Variants in COL6A2 observed in about 807,000 individuals in gnomAD.
The protein encoded by COL6A2 is collagen alpha-2(VI) chain.
Under a neutral mutation model 124.9 loss-of-function variants are expected in COL6A2, and 90 were observed. That is an observed-to-expected ratio of 0.72 (90% CI 0.61 to 0.86). The LOEUF is 0.86. Ranked by LOEUF, COL6A2 falls within the 40% of genes least tolerant of loss-of-function variation. COL6A2 has a pLI of 0.00. For synonymous variants in COL6A2, 793 were observed against 618.2 expected, an observed-to-expected ratio of 1.28 and a Z score of -4.19; for missense variants, 1,607 against 1,502.5, an observed-to-expected ratio of 1.07 and a Z score of -1.15.
At chr21:46,120,463 C>T in intron 15 of COL6A2, 52 bp from the exon 16 acceptor site, 1 of 1,460,492 alleles carries the variant, frequency 6.8e-7, no homozygotes, top group Non-Finnish European at 9.3e-7. Flanking sequence ...ACATGGGACC[C>T]AGGCCGGAGG....
At chr21:46,109,646 GC>G in intron 1 of COL6A2, among the ~76,000 whole-genome samples, 1 of 152,330 alleles carries the variant, frequency 6.6e-6, no homozygotes, top group South Asian at 2.1e-4. Context: ...TTTGGAGGGG[GC>G]CAAGTCAGCA....
chr21:46,119,835 C>G lies in COL6A2; in HGVS notation c.1317C>G (p.Gly439=). Residue 439 remains glycine, a synonymous_variant, in exon 15 of 28, where the codon GGC becomes GGG. Coordinates refer to ENST00000300527, the MANE Select transcript of COL6A2 (RefSeq NM_001849.4). ...PGTKGSPGSD[G]PKGEKGDPGP... is the part of the protein sequence containing the mutation. ...CCAAGGGCAGCCCAGGCAGCGATGG[C>G]CCCAAGGGGGAGAAGGTGAGTCCTC... 6.4e-7 allele frequency: 1 copy of G among 1,560,962 alleles called. No homozygotes were observed. Among genetic ancestry groups the G allele is most frequent in the Non-Finnish European group, 8.7e-7 (1 of 1,151,990 alleles).
chr21:46,110,620 C>T (rs1408316686), intron 1 of COL6A2, among the ~76,000 whole-genome samples: 4 of 152,168 alleles, frequency 2.6e-5, no homozygotes, highest in Non-Finnish European at 5.9e-5. Context: ...CAGCGCCTCC[C>T]CTAGTCCCGG....
In COL6A2 at chr21:46,118,607, C is replaced by A. The variant is rs202094835; in HGVS notation, c.1117-7C>A. 5.8e-5 allele frequency: 94 copies of A among 1,612,454 alleles called. No homozygotes were observed. In the African/African-American group the frequency reaches 1.1e-3, roughly 19 times the overall value. ...AGACGTGAGGCTGATTCTGCAAACC[C>A]TTCCAGGGGGACCCTGGCCGCCCAG... is the stretch of plus-strand genomic sequence containing the variant. On this transcript the variant is annotated splice_polypyrimidine_tract_variant and splice_region_variant and intron_variant, in intron 12 of 27. Coordinates refer to ENST00000300527, the MANE Select transcript of COL6A2 (RefSeq NM_001849.4).
At chr21:46,111,322 C>G (rs577611514) in intron 1 of COL6A2, 128 bp from the exon 2 acceptor site, 2 of 622,322 alleles carry the variant, frequency 3.2e-6, no homozygotes, top group African/African-American at 1.8e-5. Flanking sequence ...GGGCGCAGAC[C>G]CCGCTTCCTT....
intron 27 of COL6A2, among the ~76,000 whole-genome samples, chr21:46,131,214 T>C (rs1291086288): frequency 6.6e-6 from 1 of 152,238 alleles, no homozygotes; most frequent in Non-Finnish European, 1.5e-5. Flanking sequence ...GTCCGTGTCC[T>C]GTCCTGTGGT....
rs36033678 is a variant in COL6A2 at position 46,124,537 on chromosome 21, GCC to G, written c.1672-104_1672-103del. 0.1 allele frequency: 86,596 copies of G among 834,434 alleles called. 6,406 individuals are homozygous for G. Among genetic ancestry groups the G allele is most frequent in the African/African-American group, 0.31 (18,144 of 57,808 alleles). 51.7% of individuals were successfully genotyped at this position (834,434 alleles called of 1,614,324 possible). A position where few individuals can be genotyped will look rare whatever the true frequency, so the allele number is the denominator to read the frequency against. On this transcript the variant is annotated intron_variant, in intron 21 of 27. Transcript: ENST00000300527. The stretch of plus-strand genomic sequence containing the variant: ...CTTGTCTTACTCCTTGCACCTGTTA[GCC>G]CCCCCCCCCGCCAAGGGAGGACCCG...
intron 21 of COL6A2, among the ~76,000 whole-genome samples, chr21:46,123,161 CCACAGCATCCCCCA>C (rs1274831603): frequency 4.4e-5 from 6 of 136,854 alleles, no homozygotes; most frequent in Non-Finnish European, 9.5e-5. Flanking sequence ...AACATCCCCC[CCACAGCATCCCCCA>C]CAAGGGTCCC....
At position 46,120,530 on chromosome 21, in the gene COL6A2, G is replaced by T; in HGVS notation, c.1348G>T (p.Glu450Ter). 6.7e-7 allele frequency: 1 copy of T among 1,491,768 alleles called. No individual in the cohort carries two copies. The allele number at this position is 1,491,768 out of a possible 1,614,324, so 92.4% of individuals were successfully genotyped here. The change falls in exon 16 of 28, where the codon GAG becomes TAG. Residue 450 changes from glutamate (E) to a stop codon, truncating the protein, a stop_gained. Transcript: ENST00000300527. LOFTEE classifies it high-confidence loss of function. ...PKGEKGDPGP[E>*]GPRGLAGEVG... Reference sequence around the variant, plus strand: ...CTTCCCACAGGGGGACCCTGGCCCTGAGGGGCCCCGCGGCCTGGCTGGAGA... The same window carrying T: ...CTTCCCACAGGGGGACCCTGGCCCTTAGGGGCCCCGCGGCCTGGCTGGAGA...
intron 18 of COL6A2, 42 bp downstream of exon 18, chr21:46,121,660 G>A (rs2078568620): frequency 6.2e-7 from 1 of 1,601,554 alleles, no homozygotes; most frequent in Non-Finnish European, 8.5e-7. Flanking sequence ...GGGGTTCGGG[G>A]CAGCTGCCTG....
chr21:46,119,984 A>T lies in COL6A2; in HGVS notation c.1332+134A>T, dbSNP rs535647837. 3.1e-5 allele frequency: 26 copies of T among 830,660 alleles called. No homozygotes were observed. The Middle Eastern group carries it at 6.6e-4, about 21-fold the overall frequency. 51.5% of individuals were successfully genotyped at this position (830,660 alleles called of 1,614,324 possible). A position where few individuals can be genotyped will look rare whatever the true frequency, so the allele number is the denominator to read the frequency against. On this transcript the variant is annotated intron_variant, in intron 15 of 27. Coordinates refer to ENST00000300527, the MANE Select transcript of COL6A2 (RefSeq NM_001849.4). ...TCACTCTCCAGAGTTCACTCTCTGC[A>T]GAGTCTGGGAATGCAGCCCTGAGAT... is the stretch of plus-strand genomic sequence containing the variant.
intron 16 of COL6A2, 115 bp from the exon 17 acceptor site, chr21:46,120,946 C>T (rs980669822): frequency 2.1e-5 from 21 of 989,018 alleles, no homozygotes; most frequent in African/African-American, 1.1e-4. Flanking sequence ...TCATAGGGGC[C>T]GGGGCCAGAC....
chr21:46,121,096 G>T lies in COL6A2; in HGVS notation c.1431G>T (p.Gln477His), dbSNP rs1334247265. 1 of 1,612,772 alleles carries T rather than the reference G, an allele frequency of 6.2e-7. No homozygotes were observed. The highest frequency in any genetic ancestry group is 1.1e-5 in the South Asian group (1 of 91,092). Residue 477 changes from glutamine to histidine, a missense_variant, in exon 17 of 28, where the codon CAG becomes CAT. Physicochemically the swap from Gln to His is conservative, Grantham distance 24 (BLOSUM62 0). This residue lies in a region of COL6A2 where 1,223 missense variants were observed against 1,052.2 expected (regional missense o/e 1.16). Transcript: ENST00000300527. ...DRGLPGPRGPQGALGEPGKQG... is the reference protein window; with the variant it reads ...DRGLPGPRGPHGALGEPGKQG... The stretch of plus-strand genomic sequence containing the variant: ...GCTTGCCTGGACCCAGAGGCCCCCA[G>T]GGAGCTCTTGGGGAGCCCGGAAAGC...
intron 14 of COL6A2, among the ~76,000 whole-genome samples, chr21:46,119,397 C>T (rs538056120): frequency 6.6e-6 from 1 of 152,324 alleles, no homozygotes; most frequent in South Asian, 2.1e-4. Context: ...GGGCCCGTCC[C>T]AGTGCTGACC....
At chr21:46,126,608 A>C in intron 27 of COL6A2, 67 bp downstream of exon 27, 1 of 1,578,314 alleles carries the variant, frequency 6.3e-7, no homozygotes, top group Non-Finnish European at 8.7e-7. Flanking sequence ...TTCCTCCTCG[A>C]GGGCCGGGCT....
chr21:46,113,896 G>T, intron 4 of COL6A2, 112 bp from the exon 5 acceptor site: 1 of 882,212 alleles, frequency 1.1e-6, no homozygotes, highest in East Asian at 2.5e-5. Flanking sequence ...GGGCATTTCA[G>T]CATCTCCTTG....
intron 26 of COL6A2, 94 bp downstream of exon 26, chr21:46,126,331 G>C (rs1384533354): frequency 7.9e-6 from 12 of 1,517,556 alleles, no homozygotes; most frequent in South Asian, 1.1e-5. Flanking sequence ...CCTGAGGGAT[G>C]AATGTGCAGC....
chr21:46,129,561 G>A, intron 27 of COL6A2: 5 of 1,471,494 alleles, frequency 3.4e-6, no homozygotes, highest in Non-Finnish European at 4.5e-6. Context: ...GCCCCCGACA[G>A]GCTGGCTCTC....
At chr21:46,100,310 GTGTTTGTT>G (rs148554229) in intron 1 of COL6A2, among the ~76,000 whole-genome samples, 11 of 151,890 alleles carry the variant, frequency 7.2e-5, no homozygotes, top group African/African-American at 2.2e-4. Flanking sequence ...GGCCATGGAT[GTGTTTGTT>G]TGTTTGTTTG....
Sources: allele counts gnomAD v4.1 joint callset (sites outside exome capture counted in the v4.1 genomes callset), GRCh38; gene constraint gnomAD v4.1.1; regional missense constraint gnomAD v4.1.1; transcripts MANE v1.5; gene names NCBI Gene and HGNC (gene_info 2026-07-23, HGNC 2026-07-21).